NAV1: variants seen among roughly 807,000 people sequenced by gnomAD.
NAV1 encodes pore membrane and/or filament interacting like protein 3.
NAV1 carries 18 observed loss-of-function variants against 175.2 expected under a neutral mutation model. That is an observed-to-expected ratio of 0.10 (90% CI 0.07 to 0.15). NAV1 has a LOEUF of 0.15. NAV1 is among the 10% of genes least tolerant of loss of function. The probability of loss-of-function intolerance (pLI) is 1.00; values close to 1 mark genes in which losing one functional copy is unlikely to be tolerated. For synonymous variants in NAV1, 897 were observed against 978.7 expected, an observed-to-expected ratio of 0.92 and a Z score of 1.56; for missense variants, 1,731 against 2,436.6, an observed-to-expected ratio of 0.71 and a Z score of 6.10.
In NAV1 at chr1:201,715,970, C is replaced by T. The variant is rs374068730; in HGVS notation, c.861-2420C>T. Among the ~76,000 whole-genome samples, 4 of 151,954 alleles carry T rather than the reference C, an allele frequency of 2.6e-5. No individual in the cohort carries two copies. The East Asian group carries it at 7.7e-4, about 29-fold the overall frequency. On this transcript the variant is annotated intron_variant, in intron 2 of 29. Transcript: ENST00000367296. ...AGGATCTGAGCTAGAATCCCCCTCA[C>T]CAAGCTTAAGTCTAGAGATGTCTAG...
chr1:201,744,761 G>A (rs578015695), intron 3 of NAV1, among the ~76,000 whole-genome samples: 2 of 152,298 alleles, frequency 1.3e-5, no homozygotes, highest in South Asian at 2.1e-4. Context: ...TGAGGAAAGA[G>A]GGGGAAGTTT....
At chr1:201,671,122 A>T (rs1670030070) in intron 1 of NAV1, among the ~76,000 whole-genome samples, 1 of 152,112 alleles carries the variant, frequency 6.6e-6, no homozygotes, top group African/African-American at 2.4e-5. Flanking sequence ...TACTTACTTC[A>T]CTTCTTGAGG....
chr1:201,791,730 T>G (rs558961812), intron 13 of NAV1: 2 of 152,392 alleles, frequency 1.3e-5, no homozygotes, highest in South Asian at 4.1e-4. Context: ...TCCAACACAT[T>G]TCAGCAGCAG....
intron 1 of NAV1, among the ~76,000 whole-genome samples, chr1:201,573,753 T>C (rs1334591174): frequency 6.6e-6 from 1 of 152,186 alleles, no homozygotes; most frequent in Non-Finnish European, 1.5e-5. Flanking sequence ...TTTGGGGTCA[T>C]GGACCCTTTT....
intron 1 of NAV1, among the ~76,000 whole-genome samples, chr1:201,672,513 A>AGG (rs1345312273): frequency 3.3e-5 from 5 of 152,226 alleles, no homozygotes; most frequent in African/African-American, 1.2e-4. Flanking sequence ...TATGTATAAT[A>AGG]GTTCAGTGAA....
At chr1:201,546,415 G>A (rs1665674567) in intron 1 of NAV1, among the ~76,000 whole-genome samples, 2 of 152,194 alleles carry the variant, frequency 1.3e-5, no homozygotes, top group South Asian at 2.1e-4. Flanking sequence ...AGGGGAAAGG[G>A]CCACATGACA....
chr1:201,648,572 C>T (rs1669063353), exon 1 of NAV1: 4 of 1,262,028 alleles, frequency 3.2e-6, no homozygotes, highest in Non-Finnish European at 4.0e-6. Context: ...CTCTCCCCCT[C>T]CTCCTCCCCC....
chr1:201,614,968 A>G (rs954998536), intron 2 of NAV1, among the ~76,000 whole-genome samples: 2 of 152,232 alleles, frequency 1.3e-5, no homozygotes, highest in Non-Finnish European at 2.9e-5. Context: ...AATGCAACTA[A>G]AAAGTGTTTG....
Position 201,649,020 on chromosome 1 carries a change from G to A in NAV1, c.352G>A (p.Ala118Thr), listed in dbSNP as rs766370431. ...CGAATGGAGCGACGATATGGCCAAGGCGCCCAAAGGCTTAGGCAAGGTGGG... is the reference window on the plus strand; with the variant it reads ...CGAATGGAGCGACGATATGGCCAAGACGCCCAAAGGCTTAGGCAAGGTGGG... Residue 118 changes from alanine to threonine, a missense_variant, in exon 1 of 30, where the codon GCG becomes ACG. By Grantham distance (58) the Ala-to-Thr change is moderately conservative. Around this residue, in one of 13 missense-constraint regions of NAV1, gnomAD observed 487 missense variants for 581.3 expected, o/e 0.84. Coordinates refer to ENST00000367296, the Ensembl canonical transcript of NAV1. 3.7e-6 allele frequency: 6 copies of A among 1,613,600 alleles called. No individual in the cohort carries two copies. The African/African-American group carries it at 4.0e-5, about 11-fold the overall frequency.
intron 1 of NAV1, among the ~76,000 whole-genome samples, chr1:201,689,618 C>T (rs1461594415): frequency 6.6e-6 from 1 of 152,132 alleles, no homozygotes; most frequent in Non-Finnish European, 1.5e-5. Flanking sequence ...GCACATATAC[C>T]CTTTCCTTAT....
chr1:201,617,984 T>A (rs1668052790), upstream of NAV1, among the ~76,000 whole-genome samples: 1 of 152,116 alleles, frequency 6.6e-6, no homozygotes, highest in Admixed American at 6.5e-5. Flanking sequence ...ATTTGGTCCA[T>A]TAAGAATGTA....
intron 1 of NAV1, among the ~76,000 whole-genome samples, chr1:201,547,049 C>T (rs1386620991): frequency 2.0e-5 from 3 of 150,754 alleles, no homozygotes; most frequent in East Asian, 2.0e-4. Context: ...TGCAATGGCA[C>T]GATCTCAGCT....
At chr1:201,594,755 C>T (rs966680918) in intron 2 of NAV1, among the ~76,000 whole-genome samples, 20 of 151,850 alleles carry the variant, frequency 1.3e-4, no homozygotes, top group Admixed American at 5.9e-4. Context: ...TGTGTAGAGC[C>T]CTGGGGCAGA....
chr1:201,642,660 T>C (rs1205556570), intron 2 of NAV1, among the ~76,000 whole-genome samples: 1 of 132,958 alleles, frequency 7.5e-6, no homozygotes, highest in African/African-American at 3.4e-5. Context: ...GCTCCTTCCT[T>C]CCCTTCCTTC....
At chr1:201,712,386 C>G (rs555591722) in intron 1 of NAV1, among the ~76,000 whole-genome samples, 1 of 152,216 alleles carries the variant, frequency 6.6e-6, no homozygotes, top group Non-Finnish European at 1.5e-5. Flanking sequence ...TCGGTGTCCC[C>G]TTCCTCCGAA....
At chr1:201,635,444 G>T (rs1283203416) in intron 2 of NAV1, among the ~76,000 whole-genome samples, 3 of 152,130 alleles carry the variant, frequency 2.0e-5, no homozygotes, top group Non-Finnish European at 4.4e-5. Context: ...TTCTACACTT[G>T]TGGGCCCTTT....
At chr1:201,728,283 G>C (rs780483276) in intron 3 of NAV1, among the ~76,000 whole-genome samples, 16 of 152,106 alleles carry the variant, frequency 1.1e-4, no homozygotes, top group Non-Finnish European at 1.9e-4. Flanking sequence ...CACCACACTT[G>C]GCTAGTATTT....
At chr1:201,567,807 G>A (rs773614951) in intron 1 of NAV1, among the ~76,000 whole-genome samples, 21 of 152,060 alleles carry the variant, frequency 1.4e-4, no homozygotes, top group African/African-American at 2.4e-4. Flanking sequence ...CAGTTGTGTC[G>A]GTACCCAAAA....
intron 1 of NAV1, among the ~76,000 whole-genome samples, chr1:201,705,219 A>T (rs1671619161): frequency 6.6e-6 from 1 of 152,208 alleles, no homozygotes. Flanking sequence ...CCCTAATCCA[A>T]GCCATCTCAC....
Sources: allele counts gnomAD v4.1 joint callset (sites outside exome capture counted in the v4.1 genomes callset), GRCh38; gene constraint gnomAD v4.1.1; regional missense constraint gnomAD v4.1.1; transcripts MANE v1.5; gene names NCBI Gene and HGNC (gene_info 2026-07-23, HGNC 2026-07-21).